ABCG1: variants seen among roughly 807,000 people sequenced by gnomAD.
ABCG1 encodes the protein ATP binding cassette subfamily G member 1.
ABCG1 carries 29 observed loss-of-function variants against 69.2 expected under a neutral mutation model. That is an observed-to-expected ratio of 0.42 (90% CI 0.31 to 0.57). The LOEUF (loss-of-function observed/expected upper bound fraction) is 0.57, where lower values mean the gene tolerates loss of function less well. Ranked by LOEUF, ABCG1 falls within the 20% of genes least tolerant of loss-of-function variation. The probability of loss-of-function intolerance (pLI) is 0.15; values close to 1 mark genes in which losing one functional copy is unlikely to be tolerated. For missense variants in ABCG1, 718 were observed against 898.1 expected (o/e 0.80, Z 2.56); for synonymous variants, 370 against 374.8 (o/e 0.99, Z 0.15).
chr21:42,222,185 T>A (rs1014466032), intron 1 of ABCG1, among the ~76,000 whole-genome samples: 4 of 152,064 alleles, frequency 2.6e-5, no homozygotes, highest in African/African-American at 9.7e-5. Flanking sequence ...AAGATGCATG[T>A]GTTTTAATTT....
chr21:42,283,862 C>A (rs1461477713), intron 6 of ABCG1, among the ~76,000 whole-genome samples: 1 of 39,584 alleles, frequency 2.5e-5, no homozygotes, highest in African/African-American at 1.1e-4. Context: ...GAGTGGGGAC[C>A]CCCCCACCTC....
intron 2 of ABCG1, among the ~76,000 whole-genome samples, chr21:42,258,025 C>A (rs2068336058): frequency 9.3e-6 from 1 of 107,276 alleles, no homozygotes; most frequent in Non-Finnish European, 2.0e-5. Context: ...ACTCCATCAG[C>A]CTCTCCATCC....
intron 2 of ABCG1, among the ~76,000 whole-genome samples, chr21:42,249,962 G>A (rs1046117914): frequency 8.6e-5 from 13 of 151,160 alleles, no homozygotes; most frequent in Admixed American, 3.9e-4. Context: ...CCGAGATGGC[G>A]CCACTGCACT....
In ABCG1 at chr21:42,219,673, C is replaced by G. The variant is rs993101284; in HGVS notation, c.42+369C>G. On this transcript the variant is annotated intron_variant, in intron 1 of 14. Coordinates refer to ENST00000398449, the MANE Select transcript of ABCG1 (RefSeq NM_016818.3). This position sits in a 1 kb window ranked among gnomAD's most constrained non-coding sequence, Gnocchi z 5.3. Reference sequence around the variant, plus strand: ...ACTGGGGACTGGGGAGGGGCCGCAGCTTGGGCCGGAGGGAAGAGGGGACTT... The same window carrying G: ...ACTGGGGACTGGGGAGGGGCCGCAGGTTGGGCCGGAGGGAAGAGGGGACTT... 5.0e-5 allele frequency: 36 copies of G among 719,614 alleles called. No individual in the cohort carries two copies. The highest frequency in any genetic ancestry group is 6.4e-5 in the Non-Finnish European group (30 of 465,382). The allele number at this position is 719,614 out of a possible 1,614,324, so 44.6% of individuals were successfully genotyped here. A position where few individuals can be genotyped will look rare whatever the true frequency, so the allele number is the denominator to read the frequency against.
At chr21:42,237,830 C>A (rs1322936441) in intron 2 of ABCG1, among the ~76,000 whole-genome samples, 1 of 152,284 alleles carries the variant, frequency 6.6e-6, no homozygotes, top group Admixed American at 6.5e-5. Context: ...CGCACAGCAC[C>A]GTGGATGGAC....
At chr21:42,271,460 T>G (rs2068616197) in intron 3 of ABCG1, among the ~76,000 whole-genome samples, 3 of 150,216 alleles carry the variant, frequency 2.0e-5, no homozygotes, top group Admixed American at 6.6e-5. Context: ...AGTAGGAAGG[T>G]CAAGTTCAGG....
chr21:42,210,899 C>G (rs1490473459), intron 2 of ABCG1, among the ~76,000 whole-genome samples: 3 of 151,822 alleles, frequency 2.0e-5, no homozygotes, highest in African/African-American at 7.3e-5. Context: ...CCATTGAAGT[C>G]AAGAGTGCCA....
intron 10 of ABCG1, among the ~76,000 whole-genome samples, 200 bp from the exon 11 acceptor site, chr21:42,289,850 A>ATG (rs767069252): frequency 6.2e-4 from 94 of 151,976 alleles, no homozygotes; most frequent in Non-Finnish European, 6.0e-4. Context: ...GCAGGCGTGT[A>ATG]TGTGTGTGTG....
Position 42,219,274 on chromosome 21 carries a change from G to A in ABCG1, c.12G>A (p.Leu4=). ...GCCGCCCCCGGGGCATGGCCTGTCTGATGGCCGCTTTCTCGGTCGGCACCG... is the reference window on the plus strand; with the variant it reads ...GCCGCCCCCGGGGCATGGCCTGTCTAATGGCCGCTTTCTCGGTCGGCACCG... MAC[L]MAAFSVGTAM... Residue 4 remains leucine, a synonymous_variant, in exon 1 of 15, where the codon CTG becomes CTA. Transcript: ENST00000398449. The surrounding 1 kb of genome is among the most constrained non-coding windows in gnomAD (Gnocchi z 5.3). The A allele has an allele frequency of 6.3e-7, 1 of 1,588,056 alleles. No individual in the cohort carries two copies. Among genetic ancestry groups the A allele is most frequent in the Non-Finnish European group, 8.5e-7 (1 of 1,172,774 alleles).
intron 2 of ABCG1, among the ~76,000 whole-genome samples, chr21:42,262,766 T>C (rs1181543393): frequency 6.6e-6 from 1 of 152,182 alleles, no homozygotes; most frequent in Non-Finnish European, 1.5e-5. Flanking sequence ...CCGTGTGACC[T>C]TGAGCAGGTC....
At chr21:42,231,017 C>T (rs1443157247) in intron 2 of ABCG1, among the ~76,000 whole-genome samples, 1 of 152,180 alleles carries the variant, frequency 6.6e-6, no homozygotes, top group African/African-American at 2.4e-5. Context: ...TGTGCCTAGC[C>T]CCGTGTTATG....
rs112179024 is a variant in ABCG1, at chr21:42,294,456, G to A, written c.1654-86G>A. ...CCCAGAAGGTGCCCTGGCCCTGCCC[G>A]GGGGAAGCTGGCGTGGGCGAGCCTC... is the stretch of plus-strand genomic sequence containing the variant. On this transcript the variant is annotated intron_variant, in intron 13 of 14. Transcript: ENST00000398449. 2.6e-4 allele frequency: 272 copies of A among 1,057,676 alleles called. 1 individual carries two copies. In the African/African-American group the frequency reaches 3.5e-3, roughly 13 times the overall value. The allele number at this position is 1,057,676 out of a possible 1,614,324, so 65.5% of individuals were successfully genotyped here. A position where few individuals can be genotyped will look rare whatever the true frequency, so the allele number is the denominator to read the frequency against.
rs1353610640 is a variant in ABCG1, at chr21:42,259,193, G to A, written c.287-11877G>A. ...CTTGGTGTGAGAGAGACGACATTGCGTTCCCAGATGTCGCTGGTGCTGGGC... is the reference window on the plus strand; with the variant it reads ...CTTGGTGTGAGAGAGACGACATTGCATTCCCAGATGTCGCTGGTGCTGGGC... On this transcript the variant is annotated intron_variant, in intron 2 of 14. Coordinates refer to ENST00000398449, the MANE Select transcript of ABCG1 (RefSeq NM_016818.3). 7.8e-6 allele frequency: 11 copies of A among 1,415,648 alleles called. No individual in the cohort carries two copies. The Admixed American group carries it at 1.2e-4, about 15-fold the overall frequency. The allele number at this position is 1,415,648 out of a possible 1,614,324, so 87.7% of individuals were successfully genotyped here. A position where few individuals can be genotyped will look rare whatever the true frequency, so the allele number is the denominator to read the frequency against.
intron 7 of ABCG1, among the ~76,000 whole-genome samples, chr21:42,285,169 G>C (rs536420212): frequency 6.6e-6 from 1 of 152,076 alleles, no homozygotes; most frequent in Non-Finnish European, 1.5e-5. Context: ...TTAATAACAG[G>C]TTACAGCATT....
At chr21:42,207,230 C>G (rs1249739644) in intron 2 of ABCG1, among the ~76,000 whole-genome samples, 1 of 152,156 alleles carries the variant, frequency 6.6e-6, no homozygotes, top group Non-Finnish European at 1.5e-5. Context: ...TCTGTATATA[C>G]AGTCCTACAG....
intron 2 of ABCG1, among the ~76,000 whole-genome samples, chr21:42,266,962 G>A (rs1390118274): frequency 1.3e-5 from 2 of 152,110 alleles, no homozygotes; most frequent in Non-Finnish European, 2.9e-5. Context: ...ATTTCCCAGA[G>A]GAGTCTGGTT....
At chr21:42,285,061 T>C (rs928627227) in intron 7 of ABCG1, among the ~76,000 whole-genome samples, 2 of 152,160 alleles carry the variant, frequency 1.3e-5, no homozygotes, top group Non-Finnish European at 2.9e-5. Flanking sequence ...CTCTCTGTCC[T>C]GGTGGTCGGT....
chr21:42,216,400 C>T (rs548721094), upstream of ABCG1, among the ~76,000 whole-genome samples: 9 of 152,286 alleles, frequency 5.9e-5, no homozygotes, highest in East Asian at 1.5e-3. Flanking sequence ...CAGGGTTCTA[C>T]TTAGAATGCC....
chr21:42,253,845 T>C (rs896869021), intron 2 of ABCG1, among the ~76,000 whole-genome samples: 1 of 152,064 alleles, frequency 6.6e-6, no homozygotes, highest in Non-Finnish European at 1.5e-5. Context: ...CTCCTTGGGG[T>C]GCCTAAGGGA....
Sources: gnomAD v4.1 joint callset for allele counts (sites outside exome capture counted in the v4.1 genomes callset) on GRCh38, gnomAD v4.1.1 for gene constraint, Gnocchi (gnomAD v3.1) non-coding constraint, MANE v1.5 for transcripts, NCBI Gene and HGNC (gene_info 2026-07-23, HGNC 2026-07-21) for gene names.